The following RFX8 variants were observed in gnomAD, a reference collection of about 807,000 sequenced individuals.
The protein encoded by RFX8 is regulatory factor X8.
A neutral mutation model predicts 54.6 loss-of-function variants in RFX8; 46 were observed. The observed-to-expected ratio is 0.84, with a 90% CI of 0.67 to 1.08. The LOEUF (loss-of-function observed/expected upper bound fraction) is 1.08, where lower values mean the gene tolerates loss of function less well. Among genes scored for constraint, RFX8 ranks in the 50% least tolerant of loss-of-function variants. RFX8 has a pLI of 0.00. For missense variants in RFX8, 536 were observed against 562.3 expected (o/e 0.95, Z 0.47); for synonymous variants, 192 against 209.5 (o/e 0.92, Z 0.72).
rs533934517 is a variant in RFX8 at position 101,408,267 on chromosome 2, C to T, written c.814-2210G>A. Among the ~76,000 whole-genome samples, 12 of 152,124 alleles carry T rather than the reference C, an allele frequency of 7.9e-5. No individual in the cohort carries two copies. In the South Asian group the frequency reaches 1.5e-3, roughly 18 times the overall value. ...TTGGGAGGCTGAGGCGGGCGGATCA[C>T]GAGGTCAGGAGATGGAGACCATCCT... On this transcript the variant is annotated intron_variant, in intron 9 of 11. Coordinates refer to ENST00000428343, the MANE Select transcript of RFX8 (RefSeq NM_001145664.2).
At chr2:101,403,399 G>A (rs1243300266) in intron 10 of RFX8, among the ~76,000 whole-genome samples, 2 of 152,210 alleles carry the variant, frequency 1.3e-5, no homozygotes, top group African/African-American at 2.4e-5. Context: ...ATTAATGTTT[G>A]CTTGAGAAAC....
In RFX8 at chr2:101,410,711, A is replaced by G; in HGVS notation, c.721T>C (p.Leu241=). 6.7e-7 allele frequency: 1 copy of G among 1,493,834 alleles called. No homozygotes were observed. The highest frequency in any genetic ancestry group is 9.1e-7 in the Non-Finnish European group (1 of 1,095,612). The allele number at this position is 1,493,834 out of a possible 1,614,324, so 92.5% of individuals were successfully genotyped here. A position where few individuals can be genotyped will look rare whatever the true frequency, so the allele number is the denominator to read the frequency against. The change falls in exon 9 of 12, where the codon TTA becomes CTA. Residue 241 remains leucine (L), a splice_region_variant and synonymous_variant. Transcript: ENST00000428343. ...ELENNPEMKC[L]RNLISLLGTS... ...CCCAGCAAAGAAATTAAGTTTCTTA[A>G]ACCTACAAAGACACAAAATAAACAA...
intron 2 of RFX8, among the ~76,000 whole-genome samples, chr2:101,440,623 C>CGT (rs1688047440): frequency 6.6e-6 from 1 of 152,202 alleles, no homozygotes; most frequent in African/African-American, 2.4e-5. Flanking sequence ...CCACCAGACT[C>CGT]TGCCTCTTTT....
At position 101,467,405 on chromosome 2, in the gene RFX8, A is replaced by T. The variant is rs116046033; in HGVS notation, c.-52-505T>A. On this transcript the variant is annotated intron_variant, in intron 1 of 11. Transcript: ENST00000428343. ...TCCCTCTCTGATCCCTGTTCCTCTGAAGCAGTTGCTTGCATGGTTCTTAAA... is the reference window on the plus strand; with the variant it reads ...TCCCTCTCTGATCCCTGTTCCTCTGTAGCAGTTGCTTGCATGGTTCTTAAA... Among the ~76,000 whole-genome samples, 892 of 152,226 alleles carry T rather than the reference A, an allele frequency of 5.9e-3. 9 individuals are homozygous for T. Among genetic ancestry groups the T allele is most frequent in the African/African-American group, 0.021 (862 of 41,534 alleles).
chr2:101,441,249 C>A (rs926879527), intron 2 of RFX8, among the ~76,000 whole-genome samples: 2 of 152,184 alleles, frequency 1.3e-5, no homozygotes, highest in African/African-American at 4.8e-5. Flanking sequence ...GGATTACAGG[C>A]GTGAGCCACT....
At chr2:101,470,707 CTCTTTTTTTTTTTT>C (rs760600870) in intron 1 of RFX8, among the ~76,000 whole-genome samples, 1 of 127,124 alleles carries the variant, frequency 7.9e-6, no homozygotes, top group Non-Finnish European at 1.6e-5. Context: ...TTTCTGAGTA[CTCTTTTTTTTTTTT>C]TTTTTTTTTT....
intron 9 of RFX8, among the ~76,000 whole-genome samples, chr2:101,409,692 G>T (rs990297459): frequency 1.3e-5 from 2 of 152,132 alleles, no homozygotes; most frequent in Admixed American, 6.5e-5. Flanking sequence ...GAGAGACAGG[G>T]TTTCACTATG....
At chr2:101,415,298 C>A (rs1365729383) in intron 6 of RFX8, among the ~76,000 whole-genome samples, 9 of 152,274 alleles carry the variant, frequency 5.9e-5, no homozygotes, top group East Asian at 1.9e-4. Context: ...CCCAGAGAGA[C>A]CCCTTGCCTC....
At chr2:101,407,695 T>A (rs1558838850) in intron 9 of RFX8, among the ~76,000 whole-genome samples, 2 of 145,440 alleles carry the variant, frequency 1.4e-5, no homozygotes, top group African/African-American at 5.0e-5. Context: ...CCATCTCAAT[T>A]AAAAAAAAAA....
At position 101,397,597 on chromosome 2, in the gene RFX8, G is replaced by T. The variant is rs1685197533; in HGVS notation, c.1373C>A (p.Pro458His). ...QQFVIQISDVPQSSEDIYFRE... is the reference protein window; with the variant it reads ...QQFVIQISDVHQSSEDIYFRE... ...GAAATAAATATCTTCAGAGCTTTGG[G>T]GTACATCTGATATCTGAATCACAAA... The change falls in exon 12 of 12, where the codon CCC (proline) becomes CAC (histidine). Residue 458 changes from proline (P) to histidine (H), a missense_variant. Coordinates refer to ENST00000428343, the MANE Select transcript of RFX8 (RefSeq NM_001145664.2). The T allele has an allele frequency of 1.3e-6, 2 of 1,549,892 alleles. No individual in the cohort carries two copies. Among genetic ancestry groups the T allele is most frequent in the Non-Finnish European group, 1.7e-6 (2 of 1,146,058 alleles).
intron 2 of RFX8, among the ~76,000 whole-genome samples, chr2:101,464,931 T>C (rs953856317): frequency 2.0e-5 from 3 of 152,132 alleles, no homozygotes; most frequent in African/African-American, 7.2e-5. Flanking sequence ...TTCCCTCTGA[T>C]AAGGGTGGTA....
At chr2:101,472,036 T>C (rs1289086805) in intron 1 of RFX8, among the ~76,000 whole-genome samples, 1 of 152,214 alleles carries the variant, frequency 6.6e-6, no homozygotes, top group African/African-American at 2.4e-5. Flanking sequence ...CTTCCAGGCT[T>C]TGGAATACCA....
chr2:101,421,576 G>A (rs751529543), intron 4 of RFX8, 148 bp downstream of exon 4: 11 of 1,410,702 alleles, frequency 7.8e-6, no homozygotes, highest in Non-Finnish European at 1.0e-5. Context: ...TACAACATAG[G>A]TACATAGCAT....
chr2:101,398,872 C>G (rs1005007376), intron 11 of RFX8, among the ~76,000 whole-genome samples: 1 of 152,206 alleles, frequency 6.6e-6, no homozygotes, highest in African/African-American at 2.4e-5. Context: ...GCATGTCTCA[C>G]TCTTTCTCTA....
chr2:101,414,905 A>G lies in RFX8; in HGVS notation c.510T>C (p.Thr170=). The G allele has an allele frequency of 6.5e-7, 1 of 1,549,768 alleles. No individual in the cohort carries two copies. Among genetic ancestry groups the G allele is most frequent in the Non-Finnish European group, 8.7e-7 (1 of 1,146,070 alleles). ...TTCTTCTTAGTCTTTTGACAAATAG[A>G]GTAACTTCTGTTAAGAACAACACAC... ...LLQISKLKEV[T]LFVKRLRRKT... The change falls in exon 7 of 12, where the codon ACT becomes ACC. Residue 170 remains threonine, a synonymous_variant. Transcript: ENST00000428343.
At chr2:101,453,573 C>T (rs763459818) in intron 2 of RFX8, among the ~76,000 whole-genome samples, 1 of 152,098 alleles carries the variant, frequency 6.6e-6, no homozygotes, top group South Asian at 2.1e-4. Context: ...GGGTGAAACT[C>T]GGTCTCAAAA....
intron 1 of RFX8, among the ~76,000 whole-genome samples, chr2:101,469,020 A>ATATATATACGTATATATATAGG (rs1558896164): frequency 2.6e-4 from 26 of 100,748 alleles, no homozygotes; most frequent in Non-Finnish European, 4.3e-4. Context: ...ATATATAGGT[A>ATATATATACGTATATATATAGG]TATATATATA....
chr2:101,437,422 C>CA (rs978063442), intron 2 of RFX8, among the ~76,000 whole-genome samples: 2 of 151,598 alleles, frequency 1.3e-5, no homozygotes, highest in Non-Finnish European at 2.9e-5. Flanking sequence ...AAAAACAAAA[C>CA]AAAAAAATAG....
At chr2:101,409,517 T>C (rs1427693274) in intron 9 of RFX8, among the ~76,000 whole-genome samples, 1 of 152,006 alleles carries the variant, frequency 6.6e-6, no homozygotes, top group Non-Finnish European at 1.5e-5. Flanking sequence ...TGAGCCACCA[T>C]GCCCGGCCAG....
Sources: allele counts gnomAD v4.1 joint callset (sites outside exome capture counted in the v4.1 genomes callset), GRCh38; gene constraint gnomAD v4.1.1; transcripts MANE v1.5; gene names NCBI Gene and HGNC (gene_info 2026-07-23, HGNC 2026-07-21).